The following FNTB variants were observed in gnomAD, a reference collection of about 807,000 sequenced individuals.
The protein encoded by FNTB is farnesyltransferase, CAAX box, subunit beta.
Under a neutral mutation model 59.4 loss-of-function variants are expected in FNTB, and 27 were observed. The ratio of observed to expected loss-of-function variants is 0.45; its 90% CI spans 0.34 to 0.63. The LOEUF is 0.63. Among genes scored for constraint, FNTB ranks in the 20% least tolerant of loss-of-function variants. The pLI is 0.02. For missense variants in FNTB, 449 were observed against 559.6 expected (o/e 0.80, Z 1.99); for synonymous variants, 230 against 220.7 (o/e 1.04, Z -0.37).
rs1008537265 is a variant in FNTB at position 65,028,953 on chromosome 14, T to C, written c.605+1172T>C. Among the ~76,000 whole-genome samples, 2 of 152,252 alleles carry C rather than the reference T, an allele frequency of 1.3e-5. No individual in the cohort carries two copies. The highest frequency in any genetic ancestry group is 2.9e-5 in the Non-Finnish European group (2 of 68,038). ...CAAACAAATCATAGCAAGATCCTTT[T>C]GGTATTTTATCATATACCTTTTGCA... On this transcript the variant is annotated intron_variant, in intron 6 of 11. Transcript: ENST00000246166. This position sits in a 1 kb window ranked among gnomAD's most constrained non-coding sequence, Gnocchi z 4.4.
chr14:65,033,187 C>T (rs978128668), intron 7 of FNTB, among the ~76,000 whole-genome samples: 2 of 152,028 alleles, frequency 1.3e-5, no homozygotes, highest in Non-Finnish European at 1.5e-5. Context: ...ACTAGAGTTA[C>T]ATGTATCAAT....
At chr14:65,051,448 T>C (rs1055445826) in intron 9 of FNTB, among the ~76,000 whole-genome samples, 2 of 151,920 alleles carry the variant, frequency 1.3e-5, no homozygotes, top group African/African-American at 4.8e-5. Context: ...ATGTCTCTAC[T>C]AAAAATACAA....
chr14:65,052,525 T>C (rs2062639469), intron 9 of FNTB, among the ~76,000 whole-genome samples: 1 of 152,246 alleles, frequency 6.6e-6, no homozygotes, highest in Admixed American at 6.5e-5. Flanking sequence ...CCGTGATTTG[T>C]CCCTCCTTCC....
intron 7 of FNTB, among the ~76,000 whole-genome samples, chr14:65,034,779 ATC>A (rs2062153018): frequency 6.6e-6 from 1 of 152,206 alleles, no homozygotes; most frequent in Non-Finnish European, 1.5e-5. Context: ...GAATTTCCAC[ATC>A]TGTGTGTCCT....
At chr14:65,004,202 C>G in intron 1 of FNTB, 47 bp from the exon 2 acceptor site, 1 of 1,596,512 alleles carries the variant, frequency 6.3e-7, no homozygotes, top group Non-Finnish European at 8.5e-7. Flanking sequence ...TGATGGAGGT[C>G]TCATCTGTAT....
chr14:65,016,107 T>G (rs1014124588), intron 4 of FNTB, among the ~76,000 whole-genome samples: 2 of 152,328 alleles, frequency 1.3e-5, no homozygotes, highest in Non-Finnish European at 2.9e-5. Context: ...GCCTTTGCCT[T>G]TCCTACGCAC....
intron 11 of FNTB, among the ~76,000 whole-genome samples, chr14:65,057,737 G>T (rs2062769725): frequency 6.6e-6 from 1 of 152,168 alleles, no homozygotes; most frequent in Non-Finnish European, 1.5e-5. Context: ...TCTGTGTATG[G>T]TGAGGCTTGG....
At chr14:65,034,824 G>T (rs2062154195) in intron 7 of FNTB, among the ~76,000 whole-genome samples, 1 of 152,220 alleles carries the variant, frequency 6.6e-6, no homozygotes, top group Admixed American at 6.5e-5. Context: ...GAGTCTTCCT[G>T]TGCTGAGTGA....
At chr14:65,021,786 C>T (rs546559007) in intron 4 of FNTB, among the ~76,000 whole-genome samples, 31 of 152,308 alleles carry the variant, frequency 2.0e-4, no homozygotes, top group African/African-American at 6.5e-4. Flanking sequence ...GCTGGGACTA[C>T]GGGCGCATGC....
rs1028761047 is a variant in FNTB, at chr14:65,012,077, A to G, written c.210-240A>G. ...CCAAAGTCACTGCCTTTAGGAGACAATCGCACTCTAAATGTCAGCTGGCAT... is the reference window on the plus strand; with the variant it reads ...CCAAAGTCACTGCCTTTAGGAGACAGTCGCACTCTAAATGTCAGCTGGCAT... On this transcript the variant is annotated intron_variant, in intron 2 of 11. Coordinates refer to ENST00000246166, the MANE Select transcript of FNTB (RefSeq NM_002028.4). This position sits in a 1 kb window ranked among gnomAD's most constrained non-coding sequence, Gnocchi z 5.0. 5 of 471,148 alleles carry G rather than the reference A, an allele frequency of 1.1e-5. No individual in the cohort carries two copies. Among genetic ancestry groups the G allele is most frequent in the Non-Finnish European group, 1.9e-5 (5 of 256,432 alleles). 29.2% of individuals were successfully genotyped at this position (471,148 alleles called of 1,614,324 possible). A position where few individuals can be genotyped will look rare whatever the true frequency, so the allele number is the denominator to read the frequency against.
At chr14:64,992,001 C>T (rs1465733578) in intron 1 of FNTB, among the ~76,000 whole-genome samples, 1 of 152,148 alleles carries the variant, frequency 6.6e-6, no homozygotes, top group African/African-American at 2.4e-5. Context: ...GGAACAGAAT[C>T]CTGACCTGCT....
intron 9 of FNTB, among the ~76,000 whole-genome samples, chr14:65,051,848 G>A (rs1159479261): frequency 6.7e-6 from 1 of 148,700 alleles, no homozygotes; most frequent in Non-Finnish European, 1.5e-5. Flanking sequence ...AGGCTGGAGT[G>A]CAGTGGTGTG....
intron 2 of FNTB, among the ~76,000 whole-genome samples, chr14:65,005,691 G>A (rs2061577185): frequency 6.6e-6 from 1 of 152,038 alleles, no homozygotes; most frequent in Admixed American, 6.6e-5. Flanking sequence ...CCAGGCTGGA[G>A]TGCAGTGCCC....
chr14:65,036,025 G>A (rs1254242288), intron 7 of FNTB, among the ~76,000 whole-genome samples: 8 of 152,022 alleles, frequency 5.3e-5, no homozygotes, highest in Non-Finnish European at 4.4e-5. Flanking sequence ...TAAAGACAGA[G>A]TCTCACTGTG....
intron 7 of FNTB, among the ~76,000 whole-genome samples, chr14:65,034,667 C>T (rs1322104225): frequency 6.6e-6 from 1 of 152,178 alleles, no homozygotes; most frequent in Non-Finnish European, 1.5e-5. Context: ...TTGTGTTTCT[C>T]AGCTGAGATT....
chr14:65,049,504 T>G (rs2139662264), intron 9 of FNTB, among the ~76,000 whole-genome samples: 1 of 152,326 alleles, frequency 6.6e-6, no homozygotes, highest in Middle Eastern at 3.4e-3. Context: ...TTCATCTTGT[T>G]GTGATTATGT....
intron 4 of FNTB, among the ~76,000 whole-genome samples, chr14:65,022,340 C>T (rs1449845990): frequency 6.6e-6 from 1 of 150,840 alleles, no homozygotes. Context: ...ATTTTTATAA[C>T]TTATCCTAGG....
rs1395365558 is a variant in FNTB, at chr14:65,061,549, T to C, written c.*237T>C. The C allele has an allele frequency of 1.8e-6, 1 of 557,648 alleles. No individual in the cohort carries two copies. The highest frequency in any genetic ancestry group is 3.0e-6 in the Non-Finnish European group (1 of 335,308). The allele number at this position is 557,648 out of a possible 1,614,324, so 34.5% of individuals were successfully genotyped here. ...CAAAAATCTATCAGCCCACGTGGTG[T>C]GGTTGGTGAACAGTGCATGCCAGGA... is the stretch of plus-strand genomic sequence containing the variant. On this transcript the variant is annotated 3_prime_UTR_variant, in exon 12 of 12. Transcript: ENST00000246166.
rs372991110 is a variant in FNTB, at chr14:65,015,090, CTTTT to C, written c.283-530_283-527del. Among the ~76,000 whole-genome samples, 359 of 149,522 alleles carry C rather than the reference CTTTT, an allele frequency of 2.4e-3. 2 individuals are homozygous for C. The highest frequency in any genetic ancestry group is 8.5e-3 in the African/African-American group (340 of 40,014). On this transcript the variant is annotated intron_variant, in intron 3 of 11. Transcript: ENST00000246166. ...GTCATCTTTTTTTTAATCCTGTTGT[CTTTT>C]TTTTCTTTTCTTTCTTTTTTTTTTT...
Sources: gnomAD v4.1 joint callset for allele counts (sites outside exome capture counted in the v4.1 genomes callset) on GRCh38, gnomAD v4.1.1 for gene constraint, Gnocchi (gnomAD v3.1) non-coding constraint, MANE v1.5 for transcripts, NCBI Gene and HGNC (gene_info 2026-07-23, HGNC 2026-07-21) for gene names.